The following SIK2 variants were observed in gnomAD, a reference collection of about 807,000 sequenced individuals.
SIK2 encodes the protein salt inducible kinase 2.
SIK2 carries 29 observed loss-of-function variants against 103.2 expected under a neutral mutation model. The observed-to-expected ratio is 0.28, with a 90% CI of 0.21 to 0.38. The LOEUF is 0.38. Ranked by LOEUF, SIK2 falls within the 10% of genes least tolerant of loss-of-function variation. The pLI, the probability that SIK2 is intolerant of heterozygous loss-of-function variation, is 1.00. For synonymous variants in SIK2, 412 were observed against 446.1 expected (o/e 0.92, Z 0.96); for missense variants, 879 against 1,171.0 (o/e 0.75, Z 3.64).
In SIK2 at chr11:111,727,123, C is replaced by A; in HGVS notation, c.*2994C>A. ...GCCCACTTTCACATTCCCGGTGACA[C>A]TGACCGTCCCCAGCTGCCCCCTCGC... is the stretch of plus-strand genomic sequence containing the variant. On this transcript the variant is annotated 3_prime_UTR_variant, in exon 15 of 15. Transcript: ENST00000304987. 1.4e-6 allele frequency: 2 copies of A among 1,417,494 alleles called. No individual in the cohort carries two copies. The highest frequency in any genetic ancestry group is 2.0e-6 in the Non-Finnish European group (2 of 1,005,886). The allele number at this position is 1,417,494 out of a possible 1,614,324, so 87.8% of individuals were successfully genotyped here. A position where few individuals can be genotyped will look rare whatever the true frequency, so the allele number is the denominator to read the frequency against.
chr11:111,675,416 C>T (rs993713020), intron 3 of SIK2, among the ~76,000 whole-genome samples: 5 of 152,328 alleles, frequency 3.3e-5, no homozygotes, highest in African/African-American at 1.2e-4. Flanking sequence ...TCAACCCTGT[C>T]AATTCATCAC....
At chr11:111,612,768 G>A (rs1941743839) in intron 1 of SIK2, among the ~76,000 whole-genome samples, 1 of 152,042 alleles carries the variant, frequency 6.6e-6, no homozygotes, top group South Asian at 2.1e-4. Flanking sequence ...AACTTCTGTT[G>A]AGTTTGAATC....
intron 1 of SIK2, among the ~76,000 whole-genome samples, chr11:111,611,641 T>C (rs974995463): frequency 6.6e-6 from 1 of 152,210 alleles, no homozygotes; most frequent in African/African-American, 2.4e-5. Context: ...GAAACCTTTA[T>C]TCAGTCCTTT....
intron 3 of SIK2, chr11:111,683,155 C>G (rs1942798777): frequency 6.5e-6 from 1 of 154,432 alleles, no homozygotes; most frequent in South Asian, 2.1e-4. Flanking sequence ...CCCCACTGAT[C>G]GCCAGGGTTG....
chr11:111,611,612 T>C (rs1267721671), intron 1 of SIK2, among the ~76,000 whole-genome samples: 2 of 152,244 alleles, frequency 1.3e-5, no homozygotes, highest in Non-Finnish European at 2.9e-5. Context: ...TTTGTCCTAA[T>C]GTTCTTCAGT....
intron 8 of SIK2, among the ~76,000 whole-genome samples, chr11:111,708,194 C>T (rs1943402085): frequency 6.6e-6 from 1 of 152,108 alleles, no homozygotes; most frequent in South Asian, 2.1e-4. Flanking sequence ...CCAGCCTGGG[C>T]AACATGGTGA....
At chr11:111,710,753 G>A (rs1413414639) in intron 8 of SIK2, among the ~76,000 whole-genome samples, 8 of 152,228 alleles carry the variant, frequency 5.3e-5, no homozygotes, top group Admixed American at 5.2e-4. Flanking sequence ...TTTCAGAGAG[G>A]TTAGGAAACC....
chr11:111,644,437 C>T (rs1942228918), intron 3 of SIK2, among the ~76,000 whole-genome samples: 1 of 151,724 alleles, frequency 6.6e-6, no homozygotes, highest in Non-Finnish European at 1.5e-5. Flanking sequence ...AAAATTGTGG[C>T]CGTAAAATAC....
intron 9 of SIK2, among the ~76,000 whole-genome samples, chr11:111,715,016 T>A (rs567332029): frequency 1.3e-5 from 2 of 152,216 alleles, no homozygotes; most frequent in Non-Finnish European, 2.9e-5. Flanking sequence ...ACTGCTGTAT[T>A]ATATAGGGCA....
Position 111,674,232 on chromosome 11 carries a change from A to G in SIK2, c.317-13769A>G, listed in dbSNP as rs114254740. ...GTTGTGGAGCTATCGTCTTTCTTTT[A>G]TTGCTCCCTTGATTTAGGAGTTAGC... On this transcript the variant is annotated intron_variant, in intron 3 of 14. Coordinates refer to ENST00000304987, the MANE Select transcript of SIK2 (RefSeq NM_015191.3). Among the ~76,000 whole-genome samples the G allele has an allele frequency of 9.0e-3, 1,373 of 152,186 alleles. 26 individuals are homozygous for G. The highest frequency in any genetic ancestry group is 0.032 in the African/African-American group (1,310 of 41,492).
chr11:111,623,280 A>G (rs150627740), intron 3 of SIK2, among the ~76,000 whole-genome samples: 1 of 152,238 alleles, frequency 6.6e-6, no homozygotes, highest in Non-Finnish European at 1.5e-5. Flanking sequence ...ATCTTTCTGA[A>G]CATCTAGAAT....
At chr11:111,659,880 A>C (rs1346570919) in intron 3 of SIK2, among the ~76,000 whole-genome samples, 1 of 152,234 alleles carries the variant, frequency 6.6e-6, no homozygotes, top group Non-Finnish European at 1.5e-5. Flanking sequence ...TTGGAGACGC[A>C]ACCGTGTCAA....
chr11:111,655,618 A>C (rs918495055), intron 3 of SIK2, among the ~76,000 whole-genome samples: 2 of 152,012 alleles, frequency 1.3e-5, no homozygotes, highest in African/African-American at 4.8e-5. Flanking sequence ...GCGGTGATAG[A>C]TTTTCTTGGA....
intron 3 of SIK2, among the ~76,000 whole-genome samples, chr11:111,678,756 C>T (rs992151668): frequency 6.6e-6 from 1 of 152,116 alleles, no homozygotes; most frequent in Non-Finnish European, 1.5e-5. Flanking sequence ...CTGCAGACAG[C>T]ATGATATTCT....
chr11:111,622,247 C>CTTTTTTTTTTTTTTTTTTTTTTTTTTTTT, intron 3 of SIK2, among the ~76,000 whole-genome samples: 1 of 61,454 alleles, frequency 1.6e-5, no homozygotes, highest in Non-Finnish European at 2.7e-5. Context: ...ATTTTCTTTT[C>CTTTTTTTTTTTTTTTTTTTTTTTTTTTTT]TTTTTTTTTT....
intron 3 of SIK2, among the ~76,000 whole-genome samples, chr11:111,633,609 G>T (rs565965579): frequency 6.6e-6 from 1 of 152,242 alleles, no homozygotes; most frequent in East Asian, 1.9e-4. Flanking sequence ...GGAGAAAATT[G>T]GCTTCCTCCA....
chr11:111,625,621 C>T (rs969621665), intron 3 of SIK2, among the ~76,000 whole-genome samples: 9 of 151,980 alleles, frequency 5.9e-5, no homozygotes, highest in African/African-American at 1.7e-4. Flanking sequence ...CAAATGATGC[C>T]GATAGATCAA....
chr11:111,700,226 T>C (rs1183290496), intron 4 of SIK2, among the ~76,000 whole-genome samples: 1 of 152,188 alleles, frequency 6.6e-6, no homozygotes, highest in East Asian at 1.9e-4. Context: ...GAGAAGGCCA[T>C]TAACTGTTTT....
chr11:111,627,802 A>T (rs1296294603), intron 3 of SIK2, among the ~76,000 whole-genome samples: 1 of 151,934 alleles, frequency 6.6e-6, no homozygotes. Flanking sequence ...TTTCATTGTT[A>T]GTTTTGTATT....
Sources: gnomAD v4.1 joint callset for allele counts (sites outside exome capture counted in the v4.1 genomes callset) on GRCh38, gnomAD v4.1.1 for gene constraint, MANE v1.5 for transcripts, NCBI Gene and HGNC (gene_info 2026-07-23, HGNC 2026-07-21) for gene names.